Variants in CNTN4 observed in about 807,000 individuals in gnomAD.
CNTN4 encodes contactin-4.
A neutral mutation model predicts 122.5 loss-of-function variants in CNTN4; 77 were observed. The ratio of observed to expected loss-of-function variants is 0.63; its 90% confidence interval spans 0.52 to 0.76. The LOEUF (loss-of-function observed/expected upper bound fraction) is 0.76, where lower values mean the gene tolerates loss of function less well. Ranked by LOEUF, CNTN4 falls within the 30% of genes least tolerant of loss-of-function variation. CNTN4 has a pLI of 0.00. For synonymous variants in CNTN4, 512 were observed against 447.0 expected (o/e 1.15, Z -1.83); for missense variants, 1,256 against 1,259.1 (o/e 1.00, Z 0.04).
At chr3:2,854,979 A>T (rs1407348444) in intron 7 of CNTN4, among the ~76,000 whole-genome samples, 1 of 152,206 alleles carries the variant, frequency 6.6e-6, no homozygotes. Context: ...ATTAATTATG[A>T]TTTGTCCAGT....
At chr3:2,766,950 T>G (rs1352395022) in intron 6 of CNTN4, among the ~76,000 whole-genome samples, 1 of 152,142 alleles carries the variant, frequency 6.6e-6, no homozygotes, top group Non-Finnish European at 1.5e-5. Flanking sequence ...GATTAAATAC[T>G]ATAGGGCATG....
intron 3 of CNTN4, among the ~76,000 whole-genome samples, chr3:2,459,512 T>G (rs1348133896): frequency 6.6e-6 from 1 of 152,128 alleles, no homozygotes; most frequent in Non-Finnish European, 1.5e-5. Context: ...GAAAAAGTCA[T>G]GTATGGTATT....
intron 4 of CNTN4, among the ~76,000 whole-genome samples, chr3:2,611,297 C>CAAAAAAAAAAAAAAAAAAAAAAAA (rs201162114): frequency 1.6e-4 from 10 of 62,320 alleles, no homozygotes; most frequent in African/African-American, 5.2e-4. Context: ...CACCTGGAAC[C>CAAAAAAAAAAAAAAAAAAAAAAAA]AAAAAAAAAA....
intron 14 of CNTN4, among the ~76,000 whole-genome samples, chr3:3,019,744 G>C (rs368187670): frequency 6.9e-6 from 1 of 145,350 alleles, no homozygotes; most frequent in Non-Finnish European, 1.5e-5. Context: ...TAGGGAGAAG[G>C]GGTGTGTGTG....
chr3:2,409,300 T>G (rs1204164742), intron 3 of CNTN4, among the ~76,000 whole-genome samples: 1 of 150,232 alleles, frequency 6.7e-6, no homozygotes, highest in Non-Finnish European at 1.5e-5. Flanking sequence ...CAGGCTGGAG[T>G]GCAGTGGCAT....
intron 3 of CNTN4, among the ~76,000 whole-genome samples, chr3:2,480,688 G>A (rs2075965569): frequency 6.6e-6 from 1 of 152,190 alleles, no homozygotes; most frequent in Admixed American, 6.5e-5. Flanking sequence ...TTCCCAACTT[G>A]ATCTATAGAT....
At chr3:3,024,242 T>G (rs147254056) in intron 14 of CNTN4, among the ~76,000 whole-genome samples, 1 of 152,238 alleles carries the variant, frequency 6.6e-6, no homozygotes, top group African/African-American at 2.4e-5. Context: ...GGTATATCAT[T>G]TTAGCCTGGG....
intron 8 of CNTN4, among the ~76,000 whole-genome samples, chr3:2,881,600 C>T (rs2093911293): frequency 1.3e-5 from 2 of 148,822 alleles, no homozygotes; most frequent in South Asian, 4.4e-4. Flanking sequence ...GTCCCCCATC[C>T]AGTGAGTGAA....
At chr3:2,870,227 G>C (rs2093769223) in intron 8 of CNTN4, among the ~76,000 whole-genome samples, 2 of 152,152 alleles carry the variant, frequency 1.3e-5, no homozygotes, top group Non-Finnish European at 2.9e-5. Context: ...ATCTTGATTT[G>C]TCTGGTATAT....
At chr3:2,210,474 GC>G in intron 2 of CNTN4, among the ~76,000 whole-genome samples, 1 of 152,050 alleles carries the variant, frequency 6.6e-6, no homozygotes, top group South Asian at 2.1e-4. Flanking sequence ...TTCAGTCTTG[GC>G]CCCCTCCAGT....
intron 7 of CNTN4, among the ~76,000 whole-genome samples, chr3:2,857,804 G>A (rs574381703): frequency 6.8e-4 from 104 of 152,196 alleles, no homozygotes; most frequent in African/African-American, 2.1e-3. Context: ...ATGCTAGTCT[G>A]GGCCATTCTT....
intron 3 of CNTN4, among the ~76,000 whole-genome samples, chr3:2,490,727 T>A (rs1194152265): frequency 6.6e-6 from 1 of 152,146 alleles, no homozygotes; most frequent in African/African-American, 2.4e-5. Context: ...ATAGGAAAAA[T>A]CTCACCCTGA....
chr3:2,897,886 T>C (rs2094132216), intron 10 of CNTN4, among the ~76,000 whole-genome samples: 1 of 152,144 alleles, frequency 6.6e-6, no homozygotes, highest in South Asian at 2.1e-4. Context: ...AAAATATAGT[T>C]GAACCTTGAT....
rs1019551881 is a variant in CNTN4, at chr3:3,028,710, A to G, written c.1663-2145A>G. On this transcript the variant is annotated intron_variant, in intron 15 of 24. Transcript: ENST00000418658. ...TCCCCATATGTGAAATTTCTTAGGT[A>G]AAGTATCAATAATCTTAATAATGAT... 5.3e-5 allele frequency among the ~76,000 whole-genome samples: 8 copies of G among 152,338 alleles called. No individual in the cohort carries two copies. The South Asian group carries it at 6.2e-4, about 12-fold the overall frequency.
intron 3 of CNTN4, among the ~76,000 whole-genome samples, chr3:2,479,571 G>T (rs1001544522): frequency 6.6e-6 from 1 of 152,182 alleles, no homozygotes; most frequent in Non-Finnish European, 1.5e-5. Flanking sequence ...CTTACGCGAT[G>T]CCCGGGAAGA....
At chr3:2,700,314 T>C (rs1020451294) in intron 4 of CNTN4, among the ~76,000 whole-genome samples, 6 of 152,204 alleles carry the variant, frequency 3.9e-5, no homozygotes, top group Admixed American at 3.3e-4. Context: ...CCCTTACTTA[T>C]GGTTATATAT....
intron 2 of CNTN4, among the ~76,000 whole-genome samples, chr3:2,223,082 GT>G (rs2039127110): frequency 6.6e-6 from 1 of 152,130 alleles, no homozygotes; most frequent in Admixed American, 6.6e-5. Flanking sequence ...GCAAAATCAG[GT>G]TGCATTCTGC....
chr3:2,479,981 A>C (rs1398398907), intron 3 of CNTN4, among the ~76,000 whole-genome samples: 1 of 152,196 alleles, frequency 6.6e-6, no homozygotes, highest in Non-Finnish European at 1.5e-5. Context: ...ATATCAATTA[A>C]TGTAATTCAT....
intron 9 of CNTN4, among the ~76,000 whole-genome samples, chr3:2,884,858 G>C (rs2093952651): frequency 6.6e-6 from 1 of 152,148 alleles, no homozygotes; most frequent in Admixed American, 6.5e-5. Flanking sequence ...GGCTTCTTCA[G>C]TCTACACAGA....
Sources: allele counts gnomAD v4.1 joint callset (sites outside exome capture counted in the v4.1 genomes callset), GRCh38; gene constraint gnomAD v4.1.1; transcripts MANE v1.5; gene names NCBI Gene and HGNC (gene_info 2026-07-23, HGNC 2026-07-21).